Variants in PCDH15 observed in about 807,000 individuals in gnomAD.
The protein encoded by PCDH15 is protocadherin related 15, also known as protocadherin-15.
A neutral mutation model predicts 178.5 loss-of-function variants in PCDH15; 129 were observed. The observed-to-expected ratio is 0.72, with a 90% CI of 0.63 to 0.84. PCDH15 has a LOEUF of 0.84. Ranked by LOEUF, PCDH15 falls within the 40% of genes least tolerant of loss-of-function variation. The probability of loss-of-function intolerance (pLI) is 0.00; values close to 1 mark genes in which losing one functional copy is unlikely to be tolerated. For synonymous variants in PCDH15, 800 were observed against 732.0 expected, an observed-to-expected ratio of 1.09 and a Z score of -1.50; for missense variants, 2,230 against 2,099.9, an observed-to-expected ratio of 1.06 and a Z score of -1.21.
chr10:53,882,986 C>T lies in PCDH15; in HGVS notation c.3502-16129G>A, dbSNP rs571174700. Among the ~76,000 whole-genome samples the T allele has an allele frequency of 1.2e-3, 183 of 152,238 alleles. 1 individual carries two copies. The highest frequency in any genetic ancestry group is 4.2e-3 in the African/African-American group (173 of 41,538). On this transcript the variant is annotated intron_variant, in intron 26 of 37. Transcript: ENST00000644397. Reference sequence around the variant, plus strand: ...AAAACTTTATAATTTTATCCATTTACAGGCATCATTAACACATTGGTGTTT... The same window carrying T: ...AAAACTTTATAATTTTATCCATTTATAGGCATCATTAACACATTGGTGTTT...
intron 2 of PCDH15, among the ~76,000 whole-genome samples, chr10:54,617,904 C>G (rs2093227808): frequency 1.5e-5 from 2 of 136,964 alleles, no homozygotes; most frequent in Admixed American, 7.7e-5. Flanking sequence ...TCCTGGGAGA[C>G]AGAGTGAGAC....
chr10:54,314,058 G>C (rs2133561675), intron 8 of PCDH15, among the ~76,000 whole-genome samples: 1 of 151,500 alleles, frequency 6.6e-6, no homozygotes, highest in East Asian at 2.0e-4. Flanking sequence ...TATTAACTCG[G>C]AAACATAAAT....
chr10:54,316,103 GA>G (rs34650878), intron 8 of PCDH15, among the ~76,000 whole-genome samples: 10,542 of 151,896 alleles, frequency 0.069, 469 homozygotes, highest in African/African-American at 0.12. Flanking sequence ...TCATTTGGCT[GA>G]AAACATATTT....
intron 3 of PCDH15, among the ~76,000 whole-genome samples, chr10:54,520,382 C>A (rs1167120918): frequency 1.3e-5 from 2 of 152,094 alleles, no homozygotes; most frequent in Non-Finnish European, 2.9e-5. Context: ...AAACAAACAA[C>A]CCCATCAAAA....
chr10:54,468,613 T>C (rs1203823321), intron 3 of PCDH15, among the ~76,000 whole-genome samples: 1 of 152,194 alleles, frequency 6.6e-6, no homozygotes, highest in Non-Finnish European at 1.5e-5. Flanking sequence ...GAAGAATGTG[T>C]GTTCTACTCC....
chr10:53,971,272 T>C (rs2089653974), intron 21 of PCDH15, among the ~76,000 whole-genome samples: 1 of 152,198 alleles, frequency 6.6e-6, no homozygotes, highest in African/African-American at 2.4e-5. Flanking sequence ...AAACTAGGTA[T>C]TGATGTAACC....
intron 13 of PCDH15, among the ~76,000 whole-genome samples, chr10:54,182,493 A>AAT (rs200187994): frequency 1.7e-4 from 9 of 52,420 alleles, no homozygotes; most frequent in African/African-American, 1.2e-3. Context: ...GAGAGAGGAA[A>AAT]AGAGAGAAAA....
intron 1 of PCDH15, among the ~76,000 whole-genome samples, chr10:55,256,973 C>T (rs530655095): frequency 2.0e-3 from 300 of 152,264 alleles, no homozygotes; most frequent in Non-Finnish European, 3.3e-3. Context: ...GAGGCACCCC[C>T]GAGTAGGGGC....
chr10:54,487,357 T>C (rs2079182289), intron 3 of PCDH15, among the ~76,000 whole-genome samples: 1 of 151,948 alleles, frequency 6.6e-6, no homozygotes, highest in Non-Finnish European at 1.5e-5. Flanking sequence ...AAGAATGGGA[T>C]TGGGGTTCAC....
intron 2 of PCDH15, among the ~76,000 whole-genome samples, chr10:55,491,133 C>T (rs1295672493): frequency 6.6e-6 from 1 of 151,764 alleles, no homozygotes. Flanking sequence ...TTATCCCTCT[C>T]TTTTAGATCT....
intron 14 of PCDH15, among the ~76,000 whole-genome samples, chr10:54,136,314 T>A (rs79506462): frequency 3.3e-5 from 5 of 152,122 alleles, no homozygotes; most frequent in Non-Finnish European, 5.9e-5. Flanking sequence ...CTGTTTTTTT[T>A]AAATTACCTC....
At chr10:55,169,997 AAG>A in intron 1 of PCDH15, among the ~76,000 whole-genome samples, 1 of 152,120 alleles carries the variant, frequency 6.6e-6, no homozygotes, top group African/African-American at 2.4e-5. Flanking sequence ...GGAAGGAAGG[AAG>A]GAAGGAAGGA....
intron 1 of PCDH15, among the ~76,000 whole-genome samples, chr10:54,691,168 T>G (rs1356570554): frequency 1.3e-5 from 2 of 152,186 alleles, no homozygotes; most frequent in African/African-American, 4.8e-5. Context: ...TGGTTTAGAT[T>G]TGTAGAAATG....
intron 3 of PCDH15, among the ~76,000 whole-genome samples, chr10:54,448,659 G>A (rs1207641240): frequency 6.6e-6 from 1 of 151,580 alleles, no homozygotes; most frequent in East Asian, 1.9e-4. Context: ...CATTGTTAAA[G>A]CTGTAAGTTA....
At chr10:55,209,606 C>T (rs906796085) in intron 1 of PCDH15, among the ~76,000 whole-genome samples, 3 of 151,904 alleles carry the variant, frequency 2.0e-5, no homozygotes, top group Admixed American at 1.3e-4. Context: ...AGGAAATAAT[C>T]CAGGACCACT....
At chr10:55,005,225 T>TC (rs1839898222) in intron 2 of PCDH15, among the ~76,000 whole-genome samples, 1 of 144,908 alleles carries the variant, frequency 6.9e-6, no homozygotes, top group African/African-American at 2.5e-5. Flanking sequence ...ATAATAATAA[T>TC]AATCAATGGA....
intron 2 of PCDH15, among the ~76,000 whole-genome samples, chr10:55,414,182 T>C (rs1423906718): frequency 6.6e-6 from 1 of 151,620 alleles, no homozygotes; most frequent in Non-Finnish European, 1.5e-5. Context: ...AAGTGTGCCT[T>C]TGTATTTAAG....
intron 29 of PCDH15, among the ~76,000 whole-genome samples, chr10:53,838,761 T>G: frequency 6.9e-6 from 1 of 144,566 alleles, no homozygotes; most frequent in South Asian, 2.1e-4. Context: ...TTTAAATTAA[T>G]AAAACTTACA....
At chr10:54,574,202 A>G (rs2090196695) in intron 2 of PCDH15, among the ~76,000 whole-genome samples, 1 of 151,302 alleles carries the variant, frequency 6.6e-6, no homozygotes, top group Non-Finnish European at 1.5e-5. Flanking sequence ...TAATTTTTGT[A>G]TAAGGTGTAA....
Sources: allele counts gnomAD v4.1 joint callset (sites outside exome capture counted in the v4.1 genomes callset), GRCh38; gene constraint gnomAD v4.1.1; transcripts MANE v1.5; gene names NCBI Gene and HGNC (gene_info 2026-07-23, HGNC 2026-07-21).